Variants in FAM83F observed in about 807,000 individuals in gnomAD.
FAM83F encodes scaffolding CK1 anchoring protein F, also known as protein FAM83F.
A neutral mutation model predicts 42.9 loss-of-function variants in FAM83F; 45 were observed. That is an observed-to-expected ratio of 1.05 (90% CI 0.83 to 1.35). The LOEUF is 1.35. Among genes scored for constraint, FAM83F ranks in the 40% most tolerant of loss-of-function variants. The probability of loss-of-function intolerance (pLI) is 0.00; values close to 1 mark genes in which losing one functional copy is unlikely to be tolerated. For missense variants in FAM83F, 617 were observed against 695.9 expected, an observed-to-expected ratio of 0.89 and a Z score of 1.28; for synonymous variants, 306 against 298.3, an observed-to-expected ratio of 1.03 and a Z score of -0.27.
chr22:40,008,182 G>A (rs1225098913), intron 1 of FAM83F, among the ~76,000 whole-genome samples: 3 of 152,170 alleles, frequency 2.0e-5, no homozygotes, highest in Admixed American at 6.5e-5. Context: ...AATCAGCACC[G>A]TTGGCAGGGC....
At position 40,021,161 on chromosome 22, in the gene FAM83F, T is replaced by G; in HGVS notation, c.780-129T>G. On this transcript the variant is annotated intron_variant, in intron 3 of 4. Coordinates refer to ENST00000333407, the MANE Select transcript of FAM83F (RefSeq NM_138435.4). This position sits in a 1 kb window ranked among gnomAD's most constrained non-coding sequence, Gnocchi z 8.7. ...GTGGGTGGAGGGAATCAGTCCAGCG[T>G]GTGGCCCACAAGGAGCCGTACACCT... The G allele has an allele frequency of 9.2e-7, 1 of 1,090,214 alleles. No homozygotes were observed. The allele number at this position is 1,090,214 out of a possible 1,614,324, so 67.5% of individuals were successfully genotyped here.
chr22:40,013,298 G>C (rs2067477049), intron 1 of FAM83F, among the ~76,000 whole-genome samples: 1 of 152,092 alleles, frequency 6.6e-6, no homozygotes, highest in Non-Finnish European at 1.5e-5. Context: ...GTGTGAAGTA[G>C]GGATGGATCC....
At position 40,029,932 on chromosome 22, in the gene FAM83F, C is replaced by T. The variant is rs1246880422; in HGVS notation, c.*367C>T. The T allele has an allele frequency of 1.1e-5, 2 of 184,192 alleles. No individual in the cohort carries two copies. The highest frequency in any genetic ancestry group is 2.3e-5 in the Non-Finnish European group (2 of 87,720). 11.4% of individuals were successfully genotyped at this position (184,192 alleles called of 1,614,324 possible). A position where few individuals can be genotyped will look rare whatever the true frequency, so the allele number is the denominator to read the frequency against. ...TGGGGTGGGGTGTCTGGGGCAGCTG[C>T]AGTGGCTTCTCCTTTCCCAGGCTTC... is the stretch of plus-strand genomic sequence containing the variant. On this transcript the variant is annotated 3_prime_UTR_variant, in exon 5 of 5. Transcript: ENST00000333407.
intron 1 of FAM83F, among the ~76,000 whole-genome samples, chr22:40,012,647 G>A (rs951624069): frequency 1.3e-5 from 2 of 151,446 alleles, no homozygotes; most frequent in Non-Finnish European, 1.5e-5. Flanking sequence ...GTGTGCACCT[G>A]TAATTCCAGC....
chr22:40,018,867 G>C lies in FAM83F; in HGVS notation c.490-301G>C, dbSNP rs548267240. Among the ~76,000 whole-genome samples the C allele has an allele frequency of 5.3e-5, 8 of 152,298 alleles. No individual in the cohort carries two copies. In the Middle Eastern group the frequency reaches 0.01, roughly 194 times the overall value. ...GCCTCCCAAAGTGCTAGGATTACAG[G>C]TGTGAGCCACCTTGCCTGGCCCTGA... On this transcript the variant is annotated intron_variant, in intron 1 of 4. Coordinates refer to ENST00000333407, the MANE Select transcript of FAM83F (RefSeq NM_138435.4).
intron 1 of FAM83F, among the ~76,000 whole-genome samples, chr22:39,998,137 A>G (rs955784675): frequency 2.0e-5 from 3 of 152,004 alleles, no homozygotes; most frequent in African/African-American, 4.8e-5. Context: ...CTGGCCATTA[A>G]CTTAGATCCT....
intron 4 of FAM83F, among the ~76,000 whole-genome samples, chr22:40,024,267 G>GA (rs752664118): frequency 1.2e-4 from 19 of 152,154 alleles, no homozygotes; most frequent in South Asian, 8.3e-4. Context: ...AAAGCGCTGG[G>GA]ATTATAGGCA....
Position 40,037,531 on chromosome 22 carries a change from A to G in FAM83F, c.*7966A>G, listed in dbSNP as rs1018467803. 6.6e-6 allele frequency: 1 copy of G among 152,088 alleles called. No individual in the cohort carries two copies. The highest frequency in any genetic ancestry group is 2.4e-5 in the African/African-American group (1 of 41,376). 9.4% of individuals were successfully genotyped at this position (152,088 alleles called of 1,614,324 possible). A position where few individuals can be genotyped will look rare whatever the true frequency, so the allele number is the denominator to read the frequency against. On this transcript the variant is annotated 3_prime_UTR_variant, in exon 5 of 5. Transcript: ENST00000333407. Reference sequence around the variant, plus strand: ...CCTCCGCTCCCAACACGGACTCTCAACTCTCATGTTTACCTTGTCATTGTT... The same window carrying G: ...CCTCCGCTCCCAACACGGACTCTCAGCTCTCATGTTTACCTTGTCATTGTT...
chr22:40,021,742 T>C lies in FAM83F; in HGVS notation c.1232T>C (p.Leu411Pro), dbSNP rs752850072. Reference protein sequence around the residue: ...GRMVSHMHRDLKPKSREAPSR... With the variant: ...GRMVSHMHRDPKPKSREAPSR... ...ATGGTCTCTCACATGCACAGAGACC[T>C]GAAGCCCAAATCCCGAGAGGCACCC... The change falls in exon 4 of 5, where the codon CTG becomes CCG. Residue 411 changes from leucine (L) to proline (P), a missense_variant. Transcript: ENST00000333407. The surrounding 1 kb of genome is among the most constrained non-coding windows in gnomAD (Gnocchi z 8.7). 6.2e-7 allele frequency: 1 copy of C among 1,612,732 alleles called. No individual in the cohort carries two copies. Among genetic ancestry groups the C allele is most frequent in the Admixed American group, 1.7e-5 (1 of 59,992 alleles).
In FAM83F at chr22:39,994,999, C is replaced by G. The variant is rs2145703749; in HGVS notation, c.-44C>G. The G allele has an allele frequency of 1.7e-6, 2 of 1,208,706 alleles. No individual in the cohort carries two copies. The highest frequency in any genetic ancestry group is 2.0e-6 in the Non-Finnish European group (2 of 987,600). The allele number at this position is 1,208,706 out of a possible 1,614,324, so 74.9% of individuals were successfully genotyped here. ...CAGGTGCGGCTGTGGGACCTCGGACCGCGGCGGGGCCGGGGCCAGGGCCGG... is the reference window on the plus strand; with the variant it reads ...CAGGTGCGGCTGTGGGACCTCGGACGGCGGCGGGGCCGGGGCCAGGGCCGG... On this transcript the variant is annotated 5_prime_UTR_variant, in exon 1 of 5. Coordinates refer to ENST00000333407, the MANE Select transcript of FAM83F (RefSeq NM_138435.4).
intron 1 of FAM83F, among the ~76,000 whole-genome samples, chr22:39,996,600 A>G (rs3021222): frequency 0.59 from 90,231 of 151,934 alleles, 28,179 homozygotes; most frequent in African/African-American, 0.77. Context: ...TTCACCACTC[A>G]AATTCCACTC....
At chr22:40,011,608 T>C (rs963411919) in intron 1 of FAM83F, among the ~76,000 whole-genome samples, 3 of 152,184 alleles carry the variant, frequency 2.0e-5, no homozygotes, top group Non-Finnish European at 4.4e-5. Flanking sequence ...ACATGAGTGG[T>C]ATTAGGCTAT....
intron 1 of FAM83F, among the ~76,000 whole-genome samples, chr22:40,015,619 A>C (rs2067488764): frequency 6.6e-6 from 1 of 152,154 alleles, no homozygotes; most frequent in Non-Finnish European, 1.5e-5. Context: ...ACACTCGTGC[A>C]AGGCAGCCCA....
Position 40,042,311 on chromosome 22 carries a change from C to G in FAM83F, c.*12746C>G, listed in dbSNP as rs979588824. On this transcript the variant is annotated 3_prime_UTR_variant, in exon 5 of 5. Coordinates refer to ENST00000333407, the MANE Select transcript of FAM83F (RefSeq NM_138435.4). The stretch of plus-strand genomic sequence containing the variant: ...AGGTGGAGTGGACAAATTGCTGAGG[C>G]CTTTATGGACAAAGATTCTAAGAAG... The G allele has an allele frequency of 2.6e-5, 4 of 152,210 alleles. No individual in the cohort carries two copies. Among genetic ancestry groups the G allele is most frequent in the Non-Finnish European group, 5.9e-5 (4 of 68,042 alleles). The allele number at this position is 152,210 out of a possible 1,614,324, so 9.4% of individuals were successfully genotyped here. A position where few individuals can be genotyped will look rare whatever the true frequency, so the allele number is the denominator to read the frequency against.
At chr22:40,019,403 C>T (rs2067507931) in intron 2 of FAM83F, 68 bp downstream of exon 2, 6 of 1,453,622 alleles carry the variant, frequency 4.1e-6, no homozygotes, top group Non-Finnish European at 4.8e-6. Flanking sequence ...CCCCGTCCTG[C>T]AGCTCCCCCC....
chr22:39,999,756 C>T (rs2067389445), intron 1 of FAM83F, among the ~76,000 whole-genome samples: 1 of 152,150 alleles, frequency 6.6e-6, no homozygotes, highest in Admixed American at 6.5e-5. Flanking sequence ...CTAGGAGCTG[C>T]TTCTATTTTT....
Position 40,036,516 on chromosome 22 carries a change from TA to T in FAM83F, c.*6952del, listed in dbSNP as rs1246384488. The T allele has an allele frequency of 6.6e-6, 1 of 152,234 alleles. No homozygotes were observed. Among genetic ancestry groups the T allele is most frequent in the East Asian group, 1.9e-4 (1 of 5,202 alleles). 9.4% of individuals were successfully genotyped at this position (152,234 alleles called of 1,614,324 possible). ...TAGTTTGTGGTGAAATAAACAATTTTAGTTTGTTTGGAGAATCTTTTGTATA... is the reference window on the plus strand; with the variant it reads ...TAGTTTGTGGTGAAATAAACAATTTTGTTTGTTTGGAGAATCTTTTGTATA... On this transcript the variant is annotated 3_prime_UTR_variant, in exon 5 of 5. Coordinates refer to ENST00000333407, the MANE Select transcript of FAM83F (RefSeq NM_138435.4).
At chr22:39,999,933 T>G (rs2067390552) in intron 1 of FAM83F, among the ~76,000 whole-genome samples, 1 of 152,210 alleles carries the variant, frequency 6.6e-6, no homozygotes, top group Admixed American at 6.5e-5. Flanking sequence ...AATTTAATTT[T>G]CAATCCAGAA....
At position 39,995,451 on chromosome 22, in the gene FAM83F, C is replaced by T. The variant is rs768263209; in HGVS notation, c.409C>T (p.Leu137Phe). The T allele has an allele frequency of 4.5e-6, 7 of 1,565,080 alleles. No individual in the cohort carries two copies. The Admixed American group carries it at 1.3e-4, about 29-fold the overall frequency. The stretch of plus-strand genomic sequence containing the variant: ...CTACCGCGGCGTGAGCCGGGTCACG[C>T]TCTTCACCCACCCGCCCAAGGACGA... ...GFYRGVSRVT[L>F]FTHPPKDEKA... The change falls in exon 1 of 5, where the codon CTC (leucine) becomes TTC (phenylalanine). Residue 137 changes from leucine (L) to phenylalanine (F), a missense_variant. By Grantham distance (22) the Leu-to-Phe change is conservative. Transcript: ENST00000333407. The surrounding 1 kb of genome is among the most constrained non-coding windows in gnomAD (Gnocchi z 4.6).
Sources: allele counts gnomAD v4.1 joint callset (sites outside exome capture counted in the v4.1 genomes callset), GRCh38; gene constraint gnomAD v4.1.1; non-coding constraint Gnocchi (gnomAD v3.1); transcripts MANE v1.5; gene names NCBI Gene and HGNC (gene_info 2026-07-23, HGNC 2026-07-21).